The following KIF21B variants were observed in gnomAD, a reference collection of about 807,000 sequenced individuals.
The protein encoded by KIF21B is kinesin-like protein KIF21B.
A neutral mutation model predicts 192.9 loss-of-function variants in KIF21B; 85 were observed. The ratio of observed to expected loss-of-function variants is 0.44; its 90% CI spans 0.37 to 0.53. The LOEUF is 0.53. Among genes scored for constraint, KIF21B ranks in the 20% least tolerant of loss-of-function variants. The pLI, the probability that KIF21B is intolerant of heterozygous loss-of-function variation, is 0.00. For synonymous variants in KIF21B, 832 were observed against 884.6 expected, an observed-to-expected ratio of 0.94 and a Z score of 1.05; for missense variants, 1,716 against 2,194.8, an observed-to-expected ratio of 0.78 and a Z score of 4.36.
chr1:201,017,181 A>T lies in KIF21B; in HGVS notation c.41+6162T>A, dbSNP rs1337033009. On this transcript the variant is annotated intron_variant, in intron 1 of 34. Coordinates refer to ENST00000461742, the MANE Select transcript of KIF21B (RefSeq NM_001252102.2). This position sits in a 1 kb window ranked among gnomAD's most constrained non-coding sequence, Gnocchi z 4.1. ...GTTGTCTATGGCCCTCCAGGGCATC[A>T]GGATCTCAGCCGTGCAGAGGAATCG... Among the ~76,000 whole-genome samples the T allele has an allele frequency of 6.6e-6, 1 of 152,176 alleles. No individual in the cohort carries two copies. Among genetic ancestry groups the T allele is most frequent in the Non-Finnish European group, 1.5e-5 (1 of 68,022 alleles).
chr1:200,997,615 C>T (rs1293467143), intron 14 of KIF21B, among the ~76,000 whole-genome samples: 1 of 152,088 alleles, frequency 6.6e-6, no homozygotes, highest in Non-Finnish European at 1.5e-5. Context: ...TGGTGGCGGG[C>T]GCTTGTAGTC....
In KIF21B at chr1:201,000,675, G is replaced by C; in HGVS notation, c.1466+42C>G. 6.2e-7 allele frequency: 1 copy of C among 1,613,762 alleles called. No individual in the cohort carries two copies. Among genetic ancestry groups the C allele is most frequent in the African/African-American group, 1.3e-5 (1 of 75,056 alleles). On this transcript the variant is annotated intron_variant, in intron 10 of 34. Coordinates refer to ENST00000461742, the MANE Select transcript of KIF21B (RefSeq NM_001252102.2). This position sits in a 1 kb window ranked among gnomAD's most constrained non-coding sequence, Gnocchi z 6.0. ...ACAGCCCTTGGCGTCACCTGGCCGAGGCCCCCAGCCCGCGCACACCTGCCG... is the reference window on the plus strand; with the variant it reads ...ACAGCCCTTGGCGTCACCTGGCCGACGCCCCCAGCCCGCGCACACCTGCCG...
chr1:201,003,513 C>T (rs937480779), intron 8 of KIF21B, 73 bp downstream of exon 8: 1 of 1,491,082 alleles, frequency 6.7e-7, no homozygotes, highest in Non-Finnish European at 9.3e-7. Context: ...TAGGGTGAGG[C>T]TGCAGGGCAG....
chr1:200,977,133 G>C, intron 31 of KIF21B, 79 bp downstream of exon 31: 6 of 1,521,206 alleles, frequency 3.9e-6, no homozygotes, highest in Non-Finnish European at 4.5e-6. Context: ...CCACCCTGGG[G>C]TGGGTCCCCC....
chr1:201,007,263 C>T (rs553821381), intron 3 of KIF21B, among the ~76,000 whole-genome samples: 1 of 145,164 alleles, frequency 6.9e-6, no homozygotes, highest in Non-Finnish European at 1.5e-5. Flanking sequence ...CACACACAGA[C>T]ACACACACGC....
intron 28 of KIF21B, among the ~76,000 whole-genome samples, chr1:200,981,977 C>G (rs1304834485): frequency 6.6e-6 from 1 of 152,116 alleles, no homozygotes; most frequent in Admixed American, 6.5e-5. Flanking sequence ...AGCTTTGTTT[C>G]TTTTCCCAAG....
Position 200,986,885 on chromosome 1 carries a change from C to T in KIF21B, c.3648G>A (p.Pro1216=), listed in dbSNP as rs765525083. 8.1e-6 allele frequency: 13 copies of T among 1,613,782 alleles called. No individual in the cohort carries two copies. The highest frequency in any genetic ancestry group is 1.3e-5 in the African/African-American group (1 of 74,888). The part of the protein sequence containing the change: ...PRQSRATETS[P]LTRRKSYDRG... ...GGTCGTAGGACTTCCTTCTCGTCAG[C>T]GGGGACGTCTCTGTGGCTCGAGATT... The change falls in exon 26 of 35, where the codon CCG becomes CCA. Residue 1216 remains proline (P), a synonymous_variant. Transcript: ENST00000461742.
chr1:201,005,632 G>C lies in KIF21B; in HGVS notation c.510C>G (p.Arg170=). 6.2e-7 allele frequency: 1 copy of C among 1,614,216 alleles called. No individual in the cohort carries two copies. Among genetic ancestry groups the C allele is most frequent in the Non-Finnish European group, 8.5e-7 (1 of 1,180,044 alleles). ...DSTRDPDTRH[R]RSNIKIHEDA... is the part of the protein sequence containing the mutation. Reference sequence around the variant, plus strand: ...CCTCGTGGATCTTGATGTTGGACCTGCGGTGGCGGGTGTCAGGGTCACGGG... The same window carrying C: ...CCTCGTGGATCTTGATGTTGGACCTCCGGTGGCGGGTGTCAGGGTCACGGG... Residue 170 remains arginine (R), a synonymous_variant, in exon 4 of 35, where the codon CGC becomes CGG. Transcript: ENST00000461742.
intron 28 of KIF21B, 69 bp from the exon 29 acceptor site, chr1:200,981,165 A>C (rs529328300): frequency 6.6e-7 from 1 of 1,511,458 alleles, no homozygotes; most frequent in Non-Finnish European, 8.8e-7. Flanking sequence ...TGATCAAGGC[A>C]CGTGTGTGGG....
chr1:200,994,787 A>G (rs1204806201), intron 15 of KIF21B, among the ~76,000 whole-genome samples: 1 of 152,182 alleles, frequency 6.6e-6, no homozygotes, highest in African/African-American at 2.4e-5. Flanking sequence ...CTGCAACAGC[A>G]TGTGCAGGCC....
Position 200,976,713 on chromosome 1 carries a change from C to G in KIF21B, c.4443+63G>C. On this transcript the variant is annotated intron_variant, in intron 32 of 34. Coordinates refer to ENST00000461742, the MANE Select transcript of KIF21B (RefSeq NM_001252102.2). ...TTTTTCATGGGTACTCCCAGGGCAACAGAGGGCAAAGATTGGGGAGAGTGG... is the reference window on the plus strand; with the variant it reads ...TTTTTCATGGGTACTCCCAGGGCAAGAGAGGGCAAAGATTGGGGAGAGTGG... The G allele has an allele frequency of 2.8e-6, 3 of 1,080,770 alleles. No individual in the cohort carries two copies. The African/African-American group carries it at 4.7e-5, about 17-fold the overall frequency. The allele number at this position is 1,080,770 out of a possible 1,614,324, so 66.9% of individuals were successfully genotyped here.
At chr1:200,981,200 G>A (rs1655900436) in intron 28 of KIF21B, 104 bp from the exon 29 acceptor site, 3 of 1,255,632 alleles carry the variant, frequency 2.4e-6, no homozygotes, top group Admixed American at 6.0e-5. Context: ...GGGAGGGGAT[G>A]AGGACCAAAT....
At chr1:200,995,247 G>A (rs1272195080) in intron 15 of KIF21B, among the ~76,000 whole-genome samples, 4 of 152,194 alleles carry the variant, frequency 2.6e-5, no homozygotes, top group African/African-American at 9.6e-5. Flanking sequence ...AGGCACTGGG[G>A]AGCTCCCCTT....
rs186372071 is a variant in KIF21B, at chr1:201,018,996, G to A, written c.41+4347C>T. Among the ~76,000 whole-genome samples, 34 of 152,210 alleles carry A rather than the reference G, an allele frequency of 2.2e-4. 1 individual carries two copies. In the East Asian group the frequency reaches 4.3e-3, roughly 19 times the overall value. On this transcript the variant is annotated intron_variant, in intron 1 of 34. Transcript: ENST00000461742. ...GTCACCCAGGCTGGAGTGCAGTGGT[G>A]CGATCTCAGCTCACTGCAACCTCCG...
chr1:201,014,088 G>T (rs772027623), intron 1 of KIF21B, among the ~76,000 whole-genome samples: 3 of 152,248 alleles, frequency 2.0e-5, no homozygotes, highest in Admixed American at 2.0e-4. Context: ...TAGAGCGGGC[G>T]CGAGAGCGAG....
intron 1 of KIF21B, among the ~76,000 whole-genome samples, chr1:201,021,834 C>T (rs991073656): frequency 6.6e-6 from 1 of 152,138 alleles, no homozygotes; most frequent in Non-Finnish European, 1.5e-5. Flanking sequence ...TTATGGTGTT[C>T]TCGGACTCTC....
chr1:200,980,847 C>A (rs1322941230), intron 29 of KIF21B, 113 bp downstream of exon 29: 4 of 1,335,474 alleles, frequency 3.0e-6, no homozygotes, highest in Non-Finnish European at 4.1e-6. Flanking sequence ...GACCCCATAT[C>A]CTCAACTCCT....
chr1:201,010,431 G>A (rs559632859), intron 1 of KIF21B, among the ~76,000 whole-genome samples: 1 of 152,106 alleles, frequency 6.6e-6, no homozygotes, highest in Non-Finnish European at 1.5e-5. Context: ...TCTCCATCCA[G>A]CCACCCCTTC....
At chr1:200,986,394 G>C (rs1179069705) in intron 26 of KIF21B, among the ~76,000 whole-genome samples, 13 of 142,066 alleles carry the variant, frequency 9.2e-5, no homozygotes, top group African/African-American at 3.5e-4. Flanking sequence ...GTCTCTCTCT[G>C]TTACCCAGGC....
Sources: gnomAD v4.1 joint callset for allele counts (sites outside exome capture counted in the v4.1 genomes callset) on GRCh38, gnomAD v4.1.1 for gene constraint, Gnocchi (gnomAD v3.1) non-coding constraint, MANE v1.5 for transcripts, NCBI Gene and HGNC (gene_info 2026-07-23, HGNC 2026-07-21) for gene names.